Variants in NRG3 observed in about 807,000 individuals in gnomAD.
NRG3 encodes the protein pro-neuregulin-3, membrane-bound isoform.
In NRG3, 31 loss-of-function variants were observed where a neutral mutation model predicts 66.9. The observed-to-expected ratio is 0.46, with a 90% CI of 0.35 to 0.63. The LOEUF (loss-of-function observed/expected upper bound fraction) is 0.63, where lower values mean the gene tolerates loss of function less well. Among genes scored for constraint, NRG3 ranks in the 20% least tolerant of loss-of-function variants. The probability of loss-of-function intolerance (pLI) is 0.00; values close to 1 mark genes in which losing one functional copy is unlikely to be tolerated. For missense variants in NRG3, 910 were observed against 878.9 expected (o/e 1.04, Z -0.45); for synonymous variants, 393 against 359.4 (o/e 1.09, Z -1.06).
chr10:82,294,408 CTAAT>C (rs2079929208), intron 1 of NRG3, among the ~76,000 whole-genome samples: 1 of 151,568 alleles, frequency 6.6e-6, no homozygotes, highest in Non-Finnish European at 1.5e-5. Flanking sequence ...TGTTGTGTAA[CTAAT>C]AAACACATAT....
At chr10:82,051,695 G>A (rs2063600092) in intron 1 of NRG3, among the ~76,000 whole-genome samples, 1 of 152,118 alleles carries the variant, frequency 6.6e-6, no homozygotes, top group African/African-American at 2.4e-5. Flanking sequence ...TAGTTTTGAA[G>A]TAACTACAAA....
intron 1 of NRG3, among the ~76,000 whole-genome samples, chr10:82,023,064 C>A (rs1483546643): frequency 2.0e-5 from 3 of 151,372 alleles, no homozygotes; most frequent in Non-Finnish European, 4.4e-5. Context: ...CTTATGTTCT[C>A]TTCCAGCTAT....
Position 82,343,049 on chromosome 10 carries a change from G to C in NRG3, c.824-15690G>C, listed in dbSNP as rs116116400. ...TGTCCTCTCCCCAGTGTATATTTTT[G>C]TTGACTTAGTCAAAGGTCAGTTCAT... On this transcript the variant is annotated intron_variant, in intron 1 of 8. Transcript: ENST00000372141. Among the ~76,000 whole-genome samples the C allele has an allele frequency of 4.7e-3, 720 of 152,066 alleles. 5 individuals are homozygous for C. The highest frequency in any genetic ancestry group is 0.017 in the African/African-American group (690 of 41,488).
At chr10:82,615,862 G>A (rs956369955) in intron 2 of NRG3, among the ~76,000 whole-genome samples, 8 of 152,158 alleles carry the variant, frequency 5.3e-5, no homozygotes, top group Admixed American at 2.6e-4. Flanking sequence ...ACAAGCACAC[G>A]ATAATTCATG....
At chr10:82,835,024 C>T (rs1426459420) in intron 3 of NRG3, among the ~76,000 whole-genome samples, 2 of 152,268 alleles carry the variant, frequency 1.3e-5, no homozygotes, top group South Asian at 2.1e-4. Flanking sequence ...AGCAGGAAAA[C>T]GAGGCTGGCA....
chr10:81,944,650 A>T (rs1848684515), intron 1 of NRG3, among the ~76,000 whole-genome samples: 1 of 152,136 alleles, frequency 6.6e-6, no homozygotes, highest in Non-Finnish European at 1.5e-5. Context: ...CTTTTGTGGC[A>T]GGAGTCAAAA....
At chr10:82,282,249 CA>C (rs2079163034) in intron 1 of NRG3, among the ~76,000 whole-genome samples, 5 of 148,444 alleles carry the variant, frequency 3.4e-5, no homozygotes, top group African/African-American at 1.2e-4. Context: ...GAAAACATTA[CA>C]TTTATTTATT....
chr10:82,169,914 A>G (rs1383612936), intron 1 of NRG3, among the ~76,000 whole-genome samples: 1 of 148,896 alleles, frequency 6.7e-6, no homozygotes, highest in Non-Finnish European at 1.5e-5. Context: ...TTTGGTTGAT[A>G]TTTGTTCTAC....
intron 4 of NRG3, among the ~76,000 whole-genome samples, chr10:82,925,462 C>T (rs12416404): frequency 0.25 from 38,555 of 152,166 alleles, 5,252 homozygotes; most frequent in Middle Eastern, 0.37. Context: ...CTATAAAGAG[C>T]TTTGTATTTT....
chr10:82,253,658 T>C (rs1318368389), intron 1 of NRG3, among the ~76,000 whole-genome samples: 1 of 152,246 alleles, frequency 6.6e-6, no homozygotes, highest in Non-Finnish European at 1.5e-5. Flanking sequence ...CCACTTTGCC[T>C]ATTCATTCAC....
chr10:81,933,241 A>G (rs1484959908), intron 1 of NRG3, among the ~76,000 whole-genome samples: 1 of 152,150 alleles, frequency 6.6e-6, no homozygotes, highest in Non-Finnish European at 1.5e-5. Flanking sequence ...TGCCTGCTAT[A>G]TGACCATGGC....
intron 1 of NRG3, among the ~76,000 whole-genome samples, chr10:81,952,695 C>G (rs572451765): frequency 2.0e-5 from 3 of 152,234 alleles, no homozygotes; most frequent in African/African-American, 7.2e-5. Flanking sequence ...GCCTTGAACT[C>G]CTGGCTTAAG....
At chr10:82,343,831 A>T (rs1228466018) in intron 1 of NRG3, among the ~76,000 whole-genome samples, 1 of 152,016 alleles carries the variant, frequency 6.6e-6, no homozygotes, top group Non-Finnish European at 1.5e-5. Flanking sequence ...CCTCAGTGTT[A>T]ATCCAGAAAC....
intron 1 of NRG3, among the ~76,000 whole-genome samples, chr10:82,298,958 A>T (rs1294066408): frequency 6.6e-6 from 1 of 152,176 alleles, no homozygotes; most frequent in Non-Finnish European, 1.5e-5. Context: ...TTGGCATAGC[A>T]GGCTGCCCAG....
intron 2 of NRG3, among the ~76,000 whole-genome samples, chr10:82,422,600 G>A (rs781755760): frequency 6.6e-6 from 1 of 151,920 alleles, no homozygotes; most frequent in Non-Finnish European, 1.5e-5. Flanking sequence ...CTGAAGTGTT[G>A]TTTGCCAAGC....
chr10:82,627,891 T>G (rs2049536168), intron 2 of NRG3, among the ~76,000 whole-genome samples: 1 of 152,218 alleles, frequency 6.6e-6, no homozygotes, highest in Non-Finnish European at 1.5e-5. Flanking sequence ...CCAACACCAT[T>G]CATTGTTTAC....
chr10:82,913,178 T>C (rs1845497475), intron 4 of NRG3, among the ~76,000 whole-genome samples: 1 of 152,196 alleles, frequency 6.6e-6, no homozygotes, highest in South Asian at 2.1e-4. Context: ...TGAGCTGGGA[T>C]CATGCCACTG....
chr10:82,538,168 G>A (rs552146280), intron 2 of NRG3, among the ~76,000 whole-genome samples: 2 of 152,094 alleles, frequency 1.3e-5, no homozygotes, highest in African/African-American at 4.8e-5. Context: ...CAACATTCTA[G>A]CAAAAGCTCA....
At chr10:82,563,168 G>T (rs1428360627) in intron 2 of NRG3, among the ~76,000 whole-genome samples, 1 of 152,048 alleles carries the variant, frequency 6.6e-6, no homozygotes, top group Non-Finnish European at 1.5e-5. Flanking sequence ...AAACTTTGAT[G>T]AGATTATGAA....
Sources: allele counts gnomAD v4.1 joint callset (sites outside exome capture counted in the v4.1 genomes callset), GRCh38; gene constraint gnomAD v4.1.1; transcripts MANE v1.5; gene names NCBI Gene and HGNC (gene_info 2026-07-23, HGNC 2026-07-21).